The following PCDHA8 variants were observed in gnomAD, a reference collection of about 807,000 sequenced individuals.
The protein encoded by PCDHA8 is protocadherin alpha 8.
A neutral mutation model predicts 61.8 loss-of-function variants in PCDHA8; 53 were observed. The observed-to-expected ratio is 0.86, with a 90% CI of 0.69 to 1.08. PCDHA8 has a LOEUF of 1.08. Among genes scored for constraint, PCDHA8 ranks in the 50% least tolerant of loss-of-function variants. The pLI, the probability that PCDHA8 is intolerant of heterozygous loss-of-function variation, is 0.00. For synonymous variants in PCDHA8, 618 were observed against 556.6 expected (o/e 1.11, Z -1.55); for missense variants, 1,293 against 1,245.0 (o/e 1.04, Z -0.58).
At chr5:140,891,644 T>C (rs1554184907) in intron 1 of PCDHA8, among the ~76,000 whole-genome samples, 1 of 152,246 alleles carries the variant, frequency 6.6e-6, no homozygotes, top group Non-Finnish European at 1.5e-5. Context: ...TGGGCTTTAT[T>C]GTGGATAGTT....
intron 1 of PCDHA8, chr5:140,861,443 C>T (rs782609099): frequency 4.1e-6 from 2 of 493,194 alleles, no homozygotes; most frequent in Non-Finnish European, 8.3e-6. Context: ...CCAAAAGCCG[C>T]AGAAACCTTC....
At chr5:140,934,533 C>T (rs1418320473) in intron 1 of PCDHA8, among the ~76,000 whole-genome samples, 5 of 152,086 alleles carry the variant, frequency 3.3e-5, no homozygotes, top group African/African-American at 4.8e-5. Flanking sequence ...CGAGAGCTAC[C>T]GTTCTAATTC....
intron 1 of PCDHA8, among the ~76,000 whole-genome samples, chr5:140,912,273 A>G (rs551128589): frequency 1.3e-5 from 2 of 151,890 alleles, no homozygotes; most frequent in South Asian, 4.2e-4. Flanking sequence ...TCACAGATAT[A>G]CCCAGGAACA....
chr5:140,858,068 G>A (rs576753961), intron 1 of PCDHA8: 1 of 1,597,756 alleles, frequency 6.3e-7, no homozygotes, highest in African/African-American at 1.3e-5. Context: ...GGGCAGCCAG[G>A]CACCCAAGGC....
chr5:140,969,354 T>G, intron 1 of PCDHA8: 1 of 1,612,552 alleles, frequency 6.2e-7, no homozygotes. Context: ...TCAGGGGGTC[T>G]TCTACAAACT....
chr5:140,926,651 C>T, intron 1 of PCDHA8: 1 of 496,446 alleles, frequency 2.0e-6, no homozygotes, highest in Non-Finnish European at 3.3e-6. Context: ...CCGGCCGGCT[C>T]CGCTTTCCCA....
At chr5:140,858,197 A>G (rs782680459) in intron 1 of PCDHA8, 4 of 1,597,058 alleles carry the variant, frequency 2.5e-6, no homozygotes, top group Non-Finnish European at 2.6e-6. Flanking sequence ...GCTGCTGTAC[A>G]CTGCACTGAG....
At chr5:140,870,810 T>C in intron 1 of PCDHA8, 2 of 1,613,710 alleles carry the variant, frequency 1.2e-6, no homozygotes, top group South Asian at 1.1e-5. Context: ...CGACTCAGGC[T>C]GGCAGCGCGG....
intron 1 of PCDHA8, chr5:140,884,248 G>T (rs1554181373): frequency 1.2e-6 from 2 of 1,613,458 alleles, no homozygotes; most frequent in East Asian, 4.5e-5. Flanking sequence ...CCGCGCTGAC[G>T]GCCACGGCAA....
intron 1 of PCDHA8, among the ~76,000 whole-genome samples, chr5:140,938,233 A>AC (rs1329361250): frequency 6.6e-6 from 1 of 152,210 alleles, no homozygotes; most frequent in African/African-American, 2.4e-5. Context: ...GGCATAGGCC[A>AC]CCATGCCTGG....
At chr5:140,971,322 A>G (rs1344853773) in intron 1 of PCDHA8, among the ~76,000 whole-genome samples, 6 of 152,224 alleles carry the variant, frequency 3.9e-5, no homozygotes, top group Admixed American at 3.9e-4. Context: ...TCTAGGGAGA[A>G]AATTATTTCA....
At chr5:140,845,150 G>A (rs1193499376) in intron 1 of PCDHA8, among the ~76,000 whole-genome samples, 2 of 149,470 alleles carry the variant, frequency 1.3e-5, no homozygotes, top group African/African-American at 4.9e-5. Context: ...AACACATTGT[G>A]TAAAAGCGAA....
At chr5:140,873,334 C>A (rs1182965928) in intron 1 of PCDHA8, among the ~76,000 whole-genome samples, 1 of 152,156 alleles carries the variant, frequency 6.6e-6, no homozygotes, top group African/African-American at 2.4e-5. Context: ...GCATACATTA[C>A]TCATCTCCAG....
chr5:140,960,316 G>A (rs1360755627), intron 1 of PCDHA8, among the ~76,000 whole-genome samples: 1 of 152,066 alleles, frequency 6.6e-6, no homozygotes, highest in African/African-American at 2.4e-5. Flanking sequence ...ACCTCATTAG[G>A]GTCCTGTGAG....
intron 1 of PCDHA8, chr5:140,882,030 T>G (rs1582587950): frequency 3.3e-6 from 2 of 612,804 alleles, no homozygotes; most frequent in East Asian, 5.9e-5. Flanking sequence ...CAATGGAAAA[T>G]ATGAAGACTG....
chr5:140,876,349 T>G lies in PCDHA8; in HGVS notation c.2394+32634T>G, dbSNP rs781967314. On this transcript the variant is annotated intron_variant, in intron 1 of 3. Transcript: ENST00000531613. ...TTTGCCAGTGAGTGAGAAATGTATG[T>G]TTTCAATAAATCCAGACACAGGTGA... The G allele has an allele frequency of 3.2e-5, 52 of 1,613,894 alleles. No homozygotes were observed. In the South Asian group the frequency reaches 5.1e-4, roughly 16 times the overall value.
chr5:140,884,491 C>G, intron 1 of PCDHA8: 1 of 1,614,052 alleles, frequency 6.2e-7, no homozygotes, highest in East Asian at 2.2e-5. Flanking sequence ...CTCTAGTGTG[C>G]TCCAGCGCGG....
Position 140,843,298 on chromosome 5 carries a change from G to A in PCDHA8, c.1977G>A (p.Leu659=). The part of the protein sequence containing the change: ...VLVKDHGEPA[L]TATATVLVSL... ...TGAAGGATCATGGTGAACCTGCGCT[G>A]ACCGCCACGGCCACGGTTCTGGTGT... Residue 659 remains leucine, a synonymous_variant, in exon 1 of 4, where the codon CTG becomes CTA. Transcript: ENST00000531613. The A allele has an allele frequency of 6.3e-7, 1 of 1,595,982 alleles. No individual in the cohort carries two copies. Among genetic ancestry groups the A allele is most frequent in the Non-Finnish European group, 8.6e-7 (1 of 1,165,566 alleles).
intron 1 of PCDHA8, chr5:140,876,679 A>T (rs782671923): frequency 2.5e-6 from 4 of 1,614,118 alleles, no homozygotes; most frequent in Non-Finnish European, 3.4e-6. Flanking sequence ...CACCTACAAG[A>T]ATTACTACTC....
Sources: allele counts gnomAD v4.1 joint callset (sites outside exome capture counted in the v4.1 genomes callset), GRCh38; gene constraint gnomAD v4.1.1; transcripts MANE v1.5; gene names NCBI Gene and HGNC (gene_info 2026-07-23, HGNC 2026-07-21).